Variants in DYM observed in about 807,000 individuals in gnomAD.
The protein encoded by DYM is dyggve-Melchior-Clausen syndrome protein.
In DYM, 78 loss-of-function variants were observed where a neutral mutation model predicts 93.1. That is an observed-to-expected ratio of 0.84 (90% CI 0.70 to 1.01). DYM has a LOEUF of 1.01. Ranked by LOEUF, DYM falls within the 50% of genes least tolerant of loss-of-function variation. The probability of loss-of-function intolerance (pLI) is 0.00; values close to 1 mark genes in which losing one functional copy is unlikely to be tolerated. For missense variants in DYM, 789 were observed against 845.0 expected, an observed-to-expected ratio of 0.93 and a Z score of 0.82; for synonymous variants, 321 against 319.7, an observed-to-expected ratio of 1.00 and a Z score of -0.04.
intron 16 of DYM, among the ~76,000 whole-genome samples, chr18:49,118,238 A>G (rs1338726361): frequency 6.6e-6 from 1 of 152,046 alleles, no homozygotes; most frequent in Non-Finnish European, 1.5e-5. Flanking sequence ...AATCTTGAAA[A>G]TAAAGATATC....
At position 49,116,104 on chromosome 18, in the gene DYM, GT is replaced by G. The variant is rs1458708395; in HGVS notation, c.1911+2639del. ...TACGTCCTTGTAAAGGACATGCCCA[GT>G]TATAAGAATTCTCTCATTCGGAGAA... On this transcript the variant is annotated intron_variant, in intron 16 of 17. Coordinates refer to ENST00000675505, the MANE Select transcript of DYM (RefSeq NM_001353214.3). 2.0e-5 allele frequency: 3 copies of G among 152,318 alleles called. No homozygotes were observed. In the East Asian group the frequency reaches 5.8e-4, roughly 29 times the overall value. The allele number at this position is 152,318 out of a possible 1,614,324, so 9.4% of individuals were successfully genotyped here. A position where few individuals can be genotyped will look rare whatever the true frequency, so the allele number is the denominator to read the frequency against.
chr18:49,220,145 C>G (rs1261226273), intron 13 of DYM, among the ~76,000 whole-genome samples: 1 of 152,048 alleles, frequency 6.6e-6, no homozygotes, highest in African/African-American at 2.4e-5. Flanking sequence ...GAGTGAACTC[C>G]CATTCACAAT....
chr18:49,076,807 T>G (rs369475543), intron 17 of DYM, among the ~76,000 whole-genome samples: 6 of 152,204 alleles, frequency 3.9e-5, no homozygotes, highest in African/African-American at 1.4e-4. Flanking sequence ...TTCATAGCTT[T>G]TCTTCTGTTA....
intron 16 of DYM, among the ~76,000 whole-genome samples, chr18:49,112,865 C>T (rs2081552409): frequency 6.6e-6 from 1 of 152,184 alleles, no homozygotes. Context: ...AGTGCTCTGT[C>T]CCCAGATAGC....
intron 16 of DYM, among the ~76,000 whole-genome samples, chr18:49,115,525 A>C (rs1216073905): frequency 6.6e-6 from 1 of 152,208 alleles, no homozygotes; most frequent in Non-Finnish European, 1.5e-5. Flanking sequence ...AAGAAATTGG[A>C]ATGAGGGAGG....
At chr18:49,317,399 A>T (rs2062010799) in intron 8 of DYM, among the ~76,000 whole-genome samples, 1 of 152,126 alleles carries the variant, frequency 6.6e-6, no homozygotes. Context: ...GAAATTCCTG[A>T]CAGAATCTTT....
At chr18:49,107,376 T>A (rs940383755) in intron 16 of DYM, among the ~76,000 whole-genome samples, 4 of 152,192 alleles carry the variant, frequency 2.6e-5, no homozygotes, top group Non-Finnish European at 4.4e-5. Flanking sequence ...TAGGAGTAAT[T>A]TGATCATCTG....
At chr18:49,195,796 A>G (rs1404500254) in intron 14 of DYM, among the ~76,000 whole-genome samples, 1 of 152,222 alleles carries the variant, frequency 6.6e-6, no homozygotes, top group East Asian at 1.9e-4. Flanking sequence ...CACAAATTCA[A>G]GAAGACTTAG....
rs1050299481 is a variant in DYM, at chr18:49,374,913, C to T, written c.421+3654G>A. Among the ~76,000 whole-genome samples, 26 of 151,622 alleles carry T rather than the reference C, an allele frequency of 1.7e-4. No homozygotes were observed. In the East Asian group the frequency reaches 2.3e-3, roughly 14 times the overall value. The stretch of plus-strand genomic sequence containing the variant: ...GGCGGAGGTTGCAGTGAGCCGAGAT[C>T]GTTCCATTGCACTCCAACCAGGGCA... On this transcript the variant is annotated intron_variant, in intron 5 of 17. Transcript: ENST00000675505.
At chr18:49,337,886 T>A (rs1331193159) in intron 6 of DYM, among the ~76,000 whole-genome samples, 1 of 151,492 alleles carries the variant, frequency 6.6e-6, no homozygotes, top group Non-Finnish European at 1.5e-5. Flanking sequence ...GAAGAAACCA[T>A]ACAAAGGCAG....
At chr18:49,411,987 G>C (rs1409302095) in intron 2 of DYM, 3 of 152,094 alleles carry the variant, frequency 2.0e-5, no homozygotes, top group Non-Finnish European at 4.4e-5. Context: ...GAAGGTTAAT[G>C]TTTTAAGAGG....
chr18:49,300,855 C>G (rs1024376077), intron 8 of DYM, among the ~76,000 whole-genome samples: 1 of 152,072 alleles, frequency 6.6e-6, no homozygotes, highest in African/African-American at 2.4e-5. Flanking sequence ...GTAAAGGAAT[C>G]CTTGAGTAAC....
intron 15 of DYM, among the ~76,000 whole-genome samples, chr18:49,156,732 CAA>C (rs1224742522): frequency 0.18 from 11,525 of 62,776 alleles, 439 homozygotes; most frequent in African/African-American, 0.27. Flanking sequence ...AACGCTGTCT[CAA>C]AAAAAAAAAA....
chr18:49,067,247 CATGTT>C (rs1418855409), intron 17 of DYM, among the ~76,000 whole-genome samples: 1 of 6,652 alleles, frequency 1.5e-4, no homozygotes, highest in Admixed American at 1.1e-3. Context: ...AGTGGGGTGA[CATGTT>C]ATGGAGGTTC....
At chr18:49,156,408 T>G (rs1218023727) in intron 15 of DYM, among the ~76,000 whole-genome samples, 1 of 151,240 alleles carries the variant, frequency 6.6e-6, no homozygotes, top group African/African-American at 2.4e-5. Flanking sequence ...GAAGACACAC[T>G]CAAACCACGC....
chr18:49,201,800 C>T (rs139894622), intron 14 of DYM, among the ~76,000 whole-genome samples: 1 of 152,334 alleles, frequency 6.6e-6, no homozygotes, highest in East Asian at 1.9e-4. Flanking sequence ...TTTCAGACTA[C>T]TTCAGATTCT....
chr18:49,045,200 G>C (rs1599301662), intron 17 of DYM, among the ~76,000 whole-genome samples: 2 of 152,300 alleles, frequency 1.3e-5, no homozygotes, highest in East Asian at 3.9e-4. Context: ...GGAAGGCTGA[G>C]GAAGAGGGGG....
intron 8 of DYM, among the ~76,000 whole-genome samples, chr18:49,309,042 T>TA (rs34707104): frequency 0.08 from 12,197 of 152,204 alleles, 768 homozygotes; most frequent in East Asian, 0.31. Flanking sequence ...GATAGGATTT[T>TA]AAAAGCTATA....
At chr18:49,159,727 G>C (rs2086868618) in intron 15 of DYM, among the ~76,000 whole-genome samples, 1 of 152,122 alleles carries the variant, frequency 6.6e-6, no homozygotes, top group Admixed American at 6.5e-5. Flanking sequence ...ACATTTTGGA[G>C]TTAGGTGGTA....
Sources: allele counts gnomAD v4.1 joint callset (sites outside exome capture counted in the v4.1 genomes callset), GRCh38; gene constraint gnomAD v4.1.1; transcripts MANE v1.5; gene names NCBI Gene and HGNC (gene_info 2026-07-23, HGNC 2026-07-21).